The following ECHDC2 variants were observed in gnomAD, a reference collection of about 807,000 sequenced individuals.
ECHDC2 encodes the protein enoyl-CoA hydratase domain-containing protein 2, mitochondrial.
A neutral mutation model predicts 40.6 loss-of-function variants in ECHDC2; 34 were observed. The ratio of observed to expected loss-of-function variants is 0.84; its 90% CI spans 0.64 to 1.11. ECHDC2 has a LOEUF of 1.11. ECHDC2 is among the 50% of genes most tolerant of loss of function. ECHDC2 has a pLI of 0.00. For synonymous variants in ECHDC2, 162 were observed against 166.6 expected, an observed-to-expected ratio of 0.97 and a Z score of 0.21; for missense variants, 392 against 400.7, an observed-to-expected ratio of 0.98 and a Z score of 0.19.
chr1:52,910,508 A>G lies in ECHDC2; in HGVS notation c.277+1058T>C, dbSNP rs187641045. Among the ~76,000 whole-genome samples, 492 of 151,594 alleles carry G rather than the reference A, an allele frequency of 3.2e-3. 5 individuals carry two copies. Among genetic ancestry groups the G allele is most frequent in the African/African-American group, 0.011 (473 of 41,292 alleles). ...CTCAGCCTCCTGAGTAGCTGGGATT[A>G]CAGGCACTGGCCACAATGCCTGGCT... On this transcript the variant is annotated intron_variant, in intron 3 of 9. Coordinates refer to ENST00000371522, the MANE Select transcript of ECHDC2 (RefSeq NM_001198961.2).
At chr1:52,912,091 TAGAC>T (rs961596119) in intron 1 of ECHDC2, 108 of 1,326,632 alleles carry the variant, frequency 8.1e-5, no homozygotes, top group African/African-American at 6.5e-4. Context: ...CTGCTGTTGT[TAGAC>T]AGACAGACAC....
At chr1:52,899,509 C>G in intron 7 of ECHDC2, 1 of 454,822 alleles carries the variant, frequency 2.2e-6, no homozygotes. Context: ...TTTCCTCCCC[C>G]ACAGACTCAT....
rs1434698030 is a variant in ECHDC2, at chr1:52,914,943, C to T, written c.122-3153G>A. Among the ~76,000 whole-genome samples the T allele has an allele frequency of 6.6e-6, 1 of 152,168 alleles. No individual in the cohort carries two copies. Among genetic ancestry groups the T allele is most frequent in the Non-Finnish European group, 1.5e-5 (1 of 68,042 alleles). The stretch of plus-strand genomic sequence containing the variant: ...GTTCCCACATTTGGGTCACAGTCAT[C>T]TTTCTTACCCCAATCCGACCACGTC... On this transcript the variant is annotated intron_variant, in intron 1 of 9. Transcript: ENST00000371522. This position sits in a 1 kb window ranked among gnomAD's most constrained non-coding sequence, Gnocchi z 4.0.
intron 1 of ECHDC2, among the ~76,000 whole-genome samples, chr1:52,918,537 G>A (rs936495708): frequency 8.5e-5 from 13 of 152,166 alleles, no homozygotes; most frequent in South Asian, 6.2e-4. Context: ...GTCTAGGCTC[G>A]TGTGTGTGCT....
chr1:52,910,475 TCTC>T (rs547606771), intron 3 of ECHDC2, among the ~76,000 whole-genome samples: 137 of 142,496 alleles, frequency 9.6e-4, no homozygotes, highest in African/African-American at 3.4e-3. Context: ...TTCAAGCAAT[TCTC>T]CTGTCTCAGC....
chr1:52,896,671 C>A (rs1646654696), intron 9 of ECHDC2, 74 bp from the exon 10 acceptor site: 1 of 1,235,072 alleles, frequency 8.1e-7, no homozygotes, highest in Non-Finnish European at 1.2e-6. Context: ...TAAGCTTGTC[C>A]AGCCCAAGAC....
intron 1 of ECHDC2, chr1:52,912,702 T>C (rs1318924020): frequency 6.6e-6 from 1 of 152,122 alleles, no homozygotes; most frequent in Non-Finnish European, 1.5e-5. Context: ...TAATCACCTC[T>C]GTGTATTTCT....
In ECHDC2 at chr1:52,914,238, C is replaced by A; in HGVS notation, c.122-2448G>T. On this transcript the variant is annotated intron_variant, in intron 1 of 9. Coordinates refer to ENST00000371522, the MANE Select transcript of ECHDC2 (RefSeq NM_001198961.2). The surrounding 1 kb of genome is among the most constrained non-coding windows in gnomAD (Gnocchi z 4.0). Reference sequence around the variant, plus strand: ...AATGAGTTATCAGAGGAGGCAGTGGCCTTTAAGCTGAGAGCTGACAGGAGA... The same window carrying A: ...AATGAGTTATCAGAGGAGGCAGTGGACTTTAAGCTGAGAGCTGACAGGAGA... The A allele has an allele frequency of 2.7e-6, 1 of 370,514 alleles. No homozygotes were observed. Among genetic ancestry groups the A allele is most frequent in the Non-Finnish European group, 5.3e-6 (1 of 189,052 alleles). The allele number at this position is 370,514 out of a possible 1,614,324, so 23.0% of individuals were successfully genotyped here.
rs1198233732 is a variant in ECHDC2 at position 52,896,527 on chromosome 1, C to A, written c.872G>T (p.Gly291Val). The A allele has an allele frequency of 6.2e-7, 1 of 1,613,960 alleles. No homozygotes were observed. The highest frequency in any genetic ancestry group is 1.7e-5 in the Admixed American group (1 of 60,022). Residue 291 changes from glycine (G) to valine (V), a missense_variant, in exon 10 of 10, where the codon GGC (glycine) becomes GTC (valine). Coordinates refer to ENST00000371522, the MANE Select transcript of ECHDC2 (RefSeq NM_001198961.2). ...TGAAGGTTAAAATGGGGGTCATTTG[C>A]CAACAAATTTGGGAGTCCGCTTCTC... Reference protein sequence around the residue: ...FREKRTPKFVGK With the variant: ...FREKRTPKFVVK
At chr1:52,913,792 C>T in intron 1 of ECHDC2, 3 of 410,372 alleles carry the variant, frequency 7.3e-6, no homozygotes, top group Non-Finnish European at 1.0e-5. Context: ...CTAGTGTACA[C>T]TGGGGTTCGC....
At chr1:52,899,084 T>TC (rs1557475049) in intron 8 of ECHDC2, 90 bp downstream of exon 8, 5 of 1,373,566 alleles carry the variant, frequency 3.6e-6, no homozygotes, top group Middle Eastern at 3.6e-4. Flanking sequence ...CCTGAGTTTT[T>TC]CCCAGCTGTG....
chr1:52,909,626 G>A (rs1278152167), intron 3 of ECHDC2, among the ~76,000 whole-genome samples: 2 of 152,000 alleles, frequency 1.3e-5, no homozygotes, highest in African/African-American at 2.4e-5. Flanking sequence ...GGCCACATGC[G>A]GCCCAGAGGC....
chr1:52,897,223 G>A (rs962072548), intron 9 of ECHDC2: 17 of 586,542 alleles, frequency 2.9e-5, no homozygotes, highest in Non-Finnish European at 4.6e-5. Flanking sequence ...TGGGCAGGAT[G>A]AACCCCAGTA....
At chr1:52,902,516 C>T (rs550180636) in intron 7 of ECHDC2, among the ~76,000 whole-genome samples, 1 of 152,240 alleles carries the variant, frequency 6.6e-6, no homozygotes, top group East Asian at 1.9e-4. Context: ...TCTAGAACCC[C>T]TGGTCTCAAG....
At chr1:52,910,367 T>G (rs904938788) in intron 3 of ECHDC2, among the ~76,000 whole-genome samples, 2 of 106,316 alleles carry the variant, frequency 1.9e-5, no homozygotes, top group Non-Finnish European at 3.8e-5. Flanking sequence ...TTTTTTTTTT[T>G]TTTTTTTTTT....
rs1487035729 is a variant in ECHDC2 at position 52,921,581 on chromosome 1, T to C, written c.93A>G (p.Gln31=). 3 of 1,609,298 alleles carry C rather than the reference T, an allele frequency of 1.9e-6. No homozygotes were observed. The East Asian group carries it at 6.7e-5, about 36-fold the overall frequency. ...SDGAAGGSEI[Q]VRALAGPDQG... ...GGTCCGGACCCGCCAGGGCGCGCAC[T>C]TGGATCTCTGAGCCCCCGGCCGCCC... Residue 31 remains glutamine (Q), a synonymous_variant, in exon 1 of 10, where the codon CAA becomes CAG. Coordinates refer to ENST00000371522, the MANE Select transcript of ECHDC2 (RefSeq NM_001198961.2).
At chr1:52,906,045 C>A in intron 5 of ECHDC2, 1 of 326,004 alleles carries the variant, frequency 3.1e-6, no homozygotes, top group Admixed American at 4.3e-5. Flanking sequence ...TCTTCTTTAT[C>A]CCCTCCCATT....
At chr1:52,901,105 C>G (rs1475634962) in intron 7 of ECHDC2, 1 of 152,218 alleles carries the variant, frequency 6.6e-6, no homozygotes, top group Non-Finnish European at 1.5e-5. Flanking sequence ...CTCCAGTGAG[C>G]TGTGATCATG....
At chr1:52,916,931 A>T (rs895780379) in intron 1 of ECHDC2, among the ~76,000 whole-genome samples, 2 of 152,070 alleles carry the variant, frequency 1.3e-5, no homozygotes, top group Non-Finnish European at 2.9e-5. Flanking sequence ...GTCAACAGAA[A>T]CCACTAGAAG....
Sources: gnomAD v4.1 joint callset for allele counts (sites outside exome capture counted in the v4.1 genomes callset) on GRCh38, gnomAD v4.1.1 for gene constraint, Gnocchi (gnomAD v3.1) non-coding constraint, MANE v1.5 for transcripts, NCBI Gene and HGNC (gene_info 2026-07-23, HGNC 2026-07-21) for gene names.